Variants in ATP1A4 observed in about 807,000 individuals in gnomAD.
ATP1A4 encodes the protein sodium/potassium-transporting ATPase subunit alpha-4.
ATP1A4 carries 90 observed loss-of-function variants against 114.3 expected under a neutral mutation model. The ratio of observed to expected loss-of-function variants is 0.79; its 90% CI spans 0.66 to 0.94. The LOEUF (loss-of-function observed/expected upper bound fraction) is 0.94, where lower values mean the gene tolerates loss of function less well. ATP1A4 is among the 40% of genes least tolerant of loss of function. ATP1A4 has a pLI of 0.00. For missense variants in ATP1A4, 1,222 were observed against 1,313.6 expected (o/e 0.93, Z 1.08); for synonymous variants, 511 against 494.1 (o/e 1.03, Z -0.45).
At chr1:160,168,377 C>CTTTTTTTT (rs11397218) in intron 10 of ATP1A4, among the ~76,000 whole-genome samples, 4 of 97,058 alleles carry the variant, frequency 4.1e-5, no homozygotes, top group Non-Finnish European at 5.7e-5. Context: ...CTGCTGGTAT[C>CTTTTTTTT]TTTTTTTTTT....
Position 160,176,134 on chromosome 1 carries a change from C to A in ATP1A4, c.2354C>A (p.Thr785Asn). ...FDNLKKSIMY[T>N]LTSNIPEITP... ...AACCTGAAGAAATCCATCATGTACA[C>A]CCTGACCAGCAACATCCCCGAGATC... Residue 785 changes from threonine to asparagine, a missense_variant, in exon 16 of 22, where the codon ACC becomes AAC. Physicochemically the swap from Thr to Asn is moderately conservative, Grantham distance 65. Coordinates refer to ENST00000368081, the MANE Select transcript of ATP1A4 (RefSeq NM_144699.4). 1.2e-6 allele frequency: 2 copies of A among 1,614,116 alleles called. No homozygotes were observed. The highest frequency in any genetic ancestry group is 1.7e-6 in the Non-Finnish European group (2 of 1,180,010).
intron 4 of ATP1A4, among the ~76,000 whole-genome samples, chr1:160,158,376 A>AC (rs1652744994): frequency 6.6e-6 from 1 of 151,862 alleles, no homozygotes; most frequent in South Asian, 2.1e-4. Flanking sequence ...GCATGAAAGC[A>AC]CTTTTTTTTT....
intron 7 of ATP1A4, among the ~76,000 whole-genome samples, chr1:160,165,155 G>A (rs1304578197): frequency 6.6e-6 from 1 of 152,144 alleles, no homozygotes; most frequent in East Asian, 1.9e-4. Context: ...ATGATCACCT[G>A]TTGAGGGTAT....
chr1:160,171,169 C>T, intron 10 of ATP1A4, 82 bp from the exon 11 acceptor site: 1 of 1,302,758 alleles, frequency 7.7e-7, no homozygotes, highest in East Asian at 2.4e-5. Flanking sequence ...CATTTTTTTA[C>T]CTTTGAAACC....
intron 6 of ATP1A4, among the ~76,000 whole-genome samples, chr1:160,162,317 C>T (rs943841888): frequency 3.9e-5 from 6 of 152,114 alleles, no homozygotes; most frequent in African/African-American, 1.2e-4. Flanking sequence ...TTGTCATGCC[C>T]CTCATTTCAA....
intron 18 of ATP1A4, among the ~76,000 whole-genome samples, chr1:160,179,944 A>G (rs952914454): frequency 6.6e-6 from 1 of 152,186 alleles, no homozygotes; most frequent in Non-Finnish European, 1.5e-5. Context: ...AATTACAGAG[A>G]AATAATAGGT....
chr1:160,166,704 C>G lies in ATP1A4; in HGVS notation c.1224C>G (p.Ala408=). 1.2e-6 allele frequency: 2 copies of G among 1,614,074 alleles called. No homozygotes were observed. Among genetic ancestry groups the G allele is most frequent in the Admixed American group, 1.7e-5 (1 of 60,016 alleles). The change falls in exon 8 of 22, where the codon GCC becomes GCG. Residue 408 remains alanine (A), a synonymous_variant. Coordinates refer to ENST00000368081, the MANE Select transcript of ATP1A4 (RefSeq NM_144699.4). The stretch of plus-strand genomic sequence containing the variant: ...GGTTTGATATGACCGTGTATGAGGC[C>G]GACACCACTGAAGAACAGACTGGTG... ...HMWFDMTVYE[A]DTTEEQTGKT... is the part of the protein sequence containing the mutation.
intron 10 of ATP1A4, among the ~76,000 whole-genome samples, chr1:160,168,089 A>C (rs1429592377): frequency 6.6e-6 from 1 of 152,220 alleles, no homozygotes; most frequent in Non-Finnish European, 1.5e-5. Flanking sequence ...AGGAGTGGAC[A>C]AGAGCAGGGG....
rs767717155 is a variant in ATP1A4 at position 160,181,968 on chromosome 1, T to G, written c.2906T>G (p.Leu969Arg). 1 of 1,614,152 alleles carries G rather than the reference T, an allele frequency of 6.2e-7. No homozygotes were observed. Among genetic ancestry groups the G allele is most frequent in the South Asian group, 1.1e-5 (1 of 91,090 alleles). ...ATATTTGGGATCCTGGAGGAGACACTCTTGGCTGCATTTCTGTCCTACACT... is the reference window on the plus strand; with the variant it reads ...ATATTTGGGATCCTGGAGGAGACACGCTTGGCTGCATTTCTGTCCTACACT... ...VLIFGILEET[L>R]LAAFLSYTPG... Residue 969 changes from leucine (L) to arginine (R), a missense_variant, in exon 20 of 22, where the codon CTC (leucine) becomes CGC (arginine). Coordinates refer to ENST00000368081, the MANE Select transcript of ATP1A4 (RefSeq NM_144699.4).
chr1:160,153,240 C>T lies in ATP1A4; in HGVS notation c.207+16C>T. ...CCTGACAAAGGTGAGTAAGAAGCTCCCTGAGGAGGCAGAGAGTCTCCAACT... is the reference window on the plus strand; with the variant it reads ...CCTGACAAAGGTGAGTAAGAAGCTCTCTGAGGAGGCAGAGAGTCTCCAACT... On this transcript the variant is annotated intron_variant, in intron 2 of 21. Transcript: ENST00000368081. The T allele has an allele frequency of 6.2e-7, 1 of 1,610,636 alleles. No homozygotes were observed. Among genetic ancestry groups the T allele is most frequent in the South Asian group, 1.1e-5 (1 of 90,968 alleles).
chr1:160,155,205 A>G lies in ATP1A4; in HGVS notation c.368A>G (p.Tyr123Cys), dbSNP rs1038329707. 26 of 1,611,654 alleles carry G rather than the reference A, an allele frequency of 1.6e-5. No individual in the cohort carries two copies. Among genetic ancestry groups the G allele is most frequent in the Middle Eastern group, 1.6e-4 (1 of 6,074 alleles). ...GGGGCCATTCTCTGCTTTGTGGCCT[A>G]CAGCATCCAGATATATTTCAATGAG... The part of the protein sequence containing the change: ...WTGAILCFVA[Y>C]SIQIYFNEEP... The change falls in exon 3 of 22, where the codon TAC becomes TGC. Residue 123 changes from tyrosine (Y) to cysteine (C), a missense_variant. By Grantham distance (194) the Tyr-to-Cys change is radical (BLOSUM62 -2). Coordinates refer to ENST00000368081, the MANE Select transcript of ATP1A4 (RefSeq NM_144699.4).
chr1:160,156,915 C>T (rs920093692), intron 4 of ATP1A4, among the ~76,000 whole-genome samples: 2 of 152,118 alleles, frequency 1.3e-5, no homozygotes, highest in Non-Finnish European at 2.9e-5. Context: ...GAGTTCAAGA[C>T]GAGCCTGAGT....
chr1:160,164,663 A>G (rs1011268140), intron 7 of ATP1A4, among the ~76,000 whole-genome samples: 1 of 152,238 alleles, frequency 6.6e-6, no homozygotes, highest in Admixed American at 6.5e-5. Flanking sequence ...GCATTGGATT[A>G]TCAGTCACTG....
intron 10 of ATP1A4, among the ~76,000 whole-genome samples, chr1:160,169,370 A>T (rs533288936): frequency 6.6e-6 from 1 of 152,218 alleles, no homozygotes; most frequent in South Asian, 2.1e-4. Flanking sequence ...TTCTTCCGTG[A>T]CCTCTGAGAT....
chr1:160,156,577 G>A (rs1008728734), intron 4 of ATP1A4, among the ~76,000 whole-genome samples: 1 of 152,084 alleles, frequency 6.6e-6, no homozygotes, highest in East Asian at 1.9e-4. Context: ...AGTGGCTCAC[G>A]CCTGTAATCC....
chr1:160,176,458 T>G (rs1557806192), intron 16 of ATP1A4, 21 bp from the exon 17 acceptor site: 1 of 1,614,080 alleles, frequency 6.2e-7, no homozygotes. Context: ...ACCCCTGTCA[T>G]CCCCACCCTC....
In ATP1A4 at chr1:160,155,243, G is replaced by A; in HGVS notation, c.406G>A (p.Asp136Asn). ...ATATTTCAATGAGGAGCCTACCAAA[G>A]ACAACGTGAGTCTCTTCAGCTACTA... Reference protein sequence around the residue: ...QIYFNEEPTKDNLYLSIVLSV... With the variant: ...QIYFNEEPTKNNLYLSIVLSV... Residue 136 changes from aspartate to asparagine, a missense_variant, in exon 3 of 22, where the codon GAC becomes AAC. By Grantham distance (23) the Asp-to-Asn change is conservative. Coordinates refer to ENST00000368081, the MANE Select transcript of ATP1A4 (RefSeq NM_144699.4). 4.3e-6 allele frequency: 7 copies of A among 1,612,394 alleles called. No homozygotes were observed. The highest frequency in any genetic ancestry group is 5.9e-6 in the Non-Finnish European group (7 of 1,179,406).
chr1:160,174,615 G>A lies in ATP1A4; in HGVS notation c.2179G>A (p.Asp727Asn), dbSNP rs1324807239. ...GGCCGTGACAGGTGACGGGGTGAAC[G>A]ACTCCCCTGCGCTGAAGAAGGCTGA... ...VVAVTGDGVNDSPALKKADIG... is the reference protein window; with the variant it reads ...VVAVTGDGVNNSPALKKADIG... The change falls in exon 15 of 22, where the codon GAC (aspartate) becomes AAC (asparagine). Residue 727 changes from aspartate (D) to asparagine (N), a missense_variant. Asp to Asn is a conservative substitution (Grantham distance 23). Coordinates refer to ENST00000368081, the MANE Select transcript of ATP1A4 (RefSeq NM_144699.4). 7 of 1,614,042 alleles carry A rather than the reference G, an allele frequency of 4.3e-6. No individual in the cohort carries two copies. Among genetic ancestry groups the A allele is most frequent in the African/African-American group, 2.7e-5 (2 of 74,930 alleles).
chr1:160,183,113 A>G (rs1571038684), intron 20 of ATP1A4: 1 of 152,186 alleles, frequency 6.6e-6, no homozygotes, highest in East Asian at 1.9e-4. Context: ...GACACTCACA[A>G]TCCAAGGTGG....
Sources: gnomAD v4.1 joint callset for allele counts (sites outside exome capture counted in the v4.1 genomes callset) on GRCh38, gnomAD v4.1.1 for gene constraint, MANE v1.5 for transcripts, NCBI Gene and HGNC (gene_info 2026-07-23, HGNC 2026-07-21) for gene names.